RAB38: variants seen among roughly 807,000 people sequenced by gnomAD.
RAB38 encodes ras-related protein Rab-38.
In RAB38, 15 loss-of-function variants were observed where a neutral mutation model predicts 18.4. That is an observed-to-expected ratio of 0.82 (90% CI 0.55 to 1.26). The LOEUF (loss-of-function observed/expected upper bound fraction) is 1.26, where lower values mean the gene tolerates loss of function less well. RAB38 is among the 50% of genes most tolerant of loss of function. The pLI is 0.00. For missense variants in RAB38, 294 were observed against 267.4 expected (o/e 1.10, Z -0.69); for synonymous variants, 101 against 104.4 (o/e 0.97, Z 0.20).
intron 1 of RAB38, among the ~76,000 whole-genome samples, chr11:88,161,495 C>A (rs1426275983): frequency 1.3e-5 from 2 of 152,074 alleles, no homozygotes; most frequent in Admixed American, 1.3e-4. Flanking sequence ...GCTTGGATCT[C>A]TAACCATGGC....
chr11:88,160,560 G>C lies in RAB38; in HGVS notation c.203-10605C>G, dbSNP rs770956879. 2.4e-4 allele frequency among the ~76,000 whole-genome samples: 36 copies of C among 152,054 alleles called. 1 individual carries two copies. The highest frequency in any genetic ancestry group is 2.2e-4 in the Non-Finnish European group (15 of 67,950). ...GTTCATTGCAATACTACTGACAATA[G>C]CAAAGACATGGAATCAACCTAGGTG... On this transcript the variant is annotated intron_variant, in intron 1 of 2. Coordinates refer to ENST00000243662, the MANE Select transcript of RAB38 (RefSeq NM_022337.3).
chr11:88,074,943 A>G, the RAB38 span, among the ~76,000 whole-genome samples: 1 of 152,188 alleles, frequency 6.6e-6, no homozygotes, highest in Admixed American at 6.5e-5. Flanking sequence ...ATCATAAACT[A>G]TAAGAAGAGA....
chr11:88,067,496 A>T, the RAB38 span, among the ~76,000 whole-genome samples: 1 of 152,212 alleles, frequency 6.6e-6, no homozygotes, highest in Non-Finnish European at 1.5e-5. Context: ...TATATTAAAA[A>T]GCACATAAGG....
At chr11:87,837,806 C>G in the RAB38 span, among the ~76,000 whole-genome samples, 2 of 152,104 alleles carry the variant, frequency 1.3e-5, no homozygotes, top group South Asian at 4.2e-4. Context: ...TTCCATCTTA[C>G]CAGGATGGGT....
chr11:87,807,344 AACTT>A, the RAB38 span, among the ~76,000 whole-genome samples: 1 of 152,230 alleles, frequency 6.6e-6, no homozygotes. Context: ...TACAAGGAGT[AACTT>A]ACTTACAGGA....
chr11:87,846,590 AT>A, the RAB38 span, among the ~76,000 whole-genome samples: 1 of 152,044 alleles, frequency 6.6e-6, no homozygotes, highest in Admixed American at 6.6e-5. Flanking sequence ...AAGAAATACA[AT>A]TTTTTTGTCA....
chr11:87,950,618 A>C, the RAB38 span, among the ~76,000 whole-genome samples: 10 of 152,124 alleles, frequency 6.6e-5, no homozygotes, highest in African/African-American at 2.4e-4. Context: ...TTGTCTGTAA[A>C]GGATTTTATT....
chr11:87,814,948 T>C, the RAB38 span: 2 of 152,260 alleles, frequency 1.3e-5, no homozygotes, highest in Non-Finnish European at 2.9e-5. Flanking sequence ...TTAGCCAGGA[T>C]GTTCTGGATC....
chr11:87,897,156 A>C, the RAB38 span, among the ~76,000 whole-genome samples: 1 of 150,642 alleles, frequency 6.6e-6, no homozygotes, highest in Non-Finnish European at 1.5e-5. Context: ...TTCAGATTTA[A>C]CCCCCCCCAA....
At chr11:87,903,594 C>T in the RAB38 span, among the ~76,000 whole-genome samples, 2 of 151,318 alleles carry the variant, frequency 1.3e-5, no homozygotes, top group Admixed American at 1.3e-4. Context: ...GAAAATATTT[C>T]TTCATCTTGC....
intron 2 of RAB38, among the ~76,000 whole-genome samples, chr11:88,125,567 CT>C (rs1942685039): frequency 6.6e-6 from 1 of 151,934 alleles, no homozygotes; most frequent in African/African-American, 2.4e-5. Flanking sequence ...CATAGAAAGA[CT>C]CAGAACTTGT....
chr11:87,948,556 T>C, the RAB38 span, among the ~76,000 whole-genome samples: 2 of 152,034 alleles, frequency 1.3e-5, no homozygotes. Flanking sequence ...TCTTATTATT[T>C]TGAGATACGT....
the RAB38 span, among the ~76,000 whole-genome samples, chr11:87,852,359 C>G: frequency 1.3e-5 from 2 of 152,088 alleles, no homozygotes; most frequent in African/African-American, 4.8e-5. Context: ...AGTCCTGAAC[C>G]CCATCAACCT....
chr11:88,012,861 T>C, the RAB38 span, among the ~76,000 whole-genome samples: 3 of 152,176 alleles, frequency 2.0e-5, no homozygotes, highest in Admixed American at 6.5e-5. Flanking sequence ...AAAATTGATT[T>C]TTAAAAAAGC....
chr11:87,950,477 G>A, the RAB38 span, among the ~76,000 whole-genome samples: 1 of 152,086 alleles, frequency 6.6e-6, no homozygotes, highest in Non-Finnish European at 1.5e-5. Flanking sequence ...TTTCTTCCTA[G>A]CCTCAATGGT....
chr11:87,805,629 A>G, the RAB38 span, among the ~76,000 whole-genome samples: 3 of 149,988 alleles, frequency 2.0e-5, no homozygotes, highest in Non-Finnish European at 4.5e-5. Flanking sequence ...ACACGCACAC[A>G]CACACACACA....
chr11:88,026,122 G>T, the RAB38 span, among the ~76,000 whole-genome samples: 1 of 151,832 alleles, frequency 6.6e-6, no homozygotes, highest in Non-Finnish European at 1.5e-5. Flanking sequence ...GCACCACCAC[G>T]TCTGGCTAAT....
chr11:88,102,210 G>A, the RAB38 span, among the ~76,000 whole-genome samples: 10,655 of 152,046 alleles, frequency 0.07, 623 homozygotes, highest in African/African-American at 0.15. Flanking sequence ...ATGCCAGGTT[G>A]TATCAGACAC....
chr11:87,807,833 A>T, the RAB38 span, among the ~76,000 whole-genome samples: 2 of 152,200 alleles, frequency 1.3e-5, no homozygotes, highest in African/African-American at 4.8e-5. Flanking sequence ...AAAAGCTGCA[A>T]TGTGGACCAA....
Sources: gnomAD v4.1 joint callset for allele counts (sites outside exome capture counted in the v4.1 genomes callset) on GRCh38, gnomAD v4.1.1 for gene constraint, MANE v1.5 for transcripts, NCBI Gene and HGNC (gene_info 2026-07-23, HGNC 2026-07-21) for gene names.